MYPN: variants seen among roughly 807,000 people sequenced by gnomAD.
The protein encoded by MYPN is myopalladin, also known as sarcomeric protein myopalladin, 145 kDa (MYOP).
MYPN carries 63 observed loss-of-function variants against 129.4 expected under a neutral mutation model. That is an observed-to-expected ratio of 0.49 (90% CI 0.40 to 0.60). MYPN has a LOEUF of 0.60. Ranked by LOEUF, MYPN falls within the 20% of genes least tolerant of loss-of-function variation. MYPN has a pLI of 0.00. For synonymous variants in MYPN, 629 were observed against 600.9 expected (o/e 1.05, Z -0.68); for missense variants, 1,596 against 1,635.4 (o/e 0.98, Z 0.42).
intron 8 of MYPN, among the ~76,000 whole-genome samples, chr10:68,163,588 C>A (rs7922909): frequency 0.4 from 61,369 of 152,012 alleles, 14,228 homozygotes; most frequent in Non-Finnish European, 0.52. Flanking sequence ...AAGATCACGC[C>A]ACTGCACTCC....
intron 2 of MYPN, 61 bp from the exon 3 acceptor site, chr10:68,142,879 C>T (rs1234092071): frequency 1.4e-6 from 2 of 1,440,556 alleles, no homozygotes; most frequent in Non-Finnish European, 1.9e-6. Flanking sequence ...ATATCTGGAG[C>T]TGTCTATGTT....
chr10:68,124,342 T>C (rs1220117071), intron 2 of MYPN, among the ~76,000 whole-genome samples: 1 of 152,230 alleles, frequency 6.6e-6, no homozygotes, highest in African/African-American at 2.4e-5. Flanking sequence ...TGTTTGTAAC[T>C]ACCTGATTAT....
At chr10:68,121,091 C>A (rs537755024) in intron 1 of MYPN, among the ~76,000 whole-genome samples, 1 of 152,230 alleles carries the variant, frequency 6.6e-6, no homozygotes, top group South Asian at 2.1e-4. Context: ...CCAGCCTGGG[C>A]AACAGGCAAA....
Position 68,148,132 on chromosome 10 carries a change from C to T in MYPN, c.1131-221C>T, listed in dbSNP as rs2635992. Among the ~76,000 whole-genome samples, 665 of 152,280 alleles carry T rather than the reference C, an allele frequency of 4.4e-3. 4 individuals carry two copies. The highest frequency in any genetic ancestry group is 0.015 in the African/African-American group (633 of 41,562). On this transcript the variant is annotated intron_variant, in intron 4 of 19. Coordinates refer to ENST00000358913, the MANE Select transcript of MYPN (RefSeq NM_032578.4). Reference sequence around the variant, plus strand: ...GACTCCCTGGCTACACTGAGAACAACGGCCCAAGGACAGGAATGGTGTCTT... The same window carrying T: ...GACTCCCTGGCTACACTGAGAACAATGGCCCAAGGACAGGAATGGTGTCTT...
At chr10:68,092,999 C>G (rs1289135629) in intron 1 of MYPN, among the ~76,000 whole-genome samples, 2 of 152,106 alleles carry the variant, frequency 1.3e-5, no homozygotes, top group African/African-American at 4.8e-5. Flanking sequence ...AATGGGCCCA[C>G]AAATCCATGT....
rs576933451 is a variant in MYPN, at chr10:68,175,729, C to T, written c.2703+268C>T. Among the ~76,000 whole-genome samples the T allele has an allele frequency of 1.4e-4, 21 of 152,164 alleles. No homozygotes were observed. In the South Asian group the frequency reaches 3.3e-3, roughly 24 times the overall value. Reference sequence around the variant, plus strand: ...AAAGAAGAGAGTAGACAATCTATTGCGCATCCCAGCAATCCTCACCTCAGT... The same window carrying T: ...AAAGAAGAGAGTAGACAATCTATTGTGCATCCCAGCAATCCTCACCTCAGT... On this transcript the variant is annotated intron_variant, in intron 12 of 19. Coordinates refer to ENST00000358913, the MANE Select transcript of MYPN (RefSeq NM_032578.4).
In MYPN at chr10:68,210,975, G is replaced by A. The variant is rs562188194; in HGVS notation, c.*520G>A. The A allele has an allele frequency of 2.2e-5, 10 of 454,256 alleles. No homozygotes were observed. Among genetic ancestry groups the A allele is most frequent in the Middle Eastern group, 1.4e-3 (2 of 1,444 alleles). The allele number at this position is 454,256 out of a possible 1,614,324, so 28.1% of individuals were successfully genotyped here. A position where few individuals can be genotyped will look rare whatever the true frequency, so the allele number is the denominator to read the frequency against. On this transcript the variant is annotated 3_prime_UTR_variant, in exon 20 of 20. Coordinates refer to ENST00000358913, the MANE Select transcript of MYPN (RefSeq NM_032578.4). ...CTTCCACTTAGCATTAGGAGGTCAT[G>A]CCATACAACTCACGTATGCGGGCAA...
intron 8 of MYPN, among the ~76,000 whole-genome samples, chr10:68,164,312 C>T (rs1294725518): frequency 6.6e-6 from 1 of 152,156 alleles, no homozygotes; most frequent in Admixed American, 6.5e-5. Flanking sequence ...GAGAGGGGGC[C>T]ACTCTTACTT....
chr10:68,121,492 G>A lies in MYPN; in HGVS notation c.54G>A (p.Glu18=). 1 of 1,614,130 alleles carries A rather than the reference G, an allele frequency of 6.2e-7. No homozygotes were observed. The highest frequency in any genetic ancestry group is 1.1e-5 in the South Asian group (1 of 91,078). ...CTTCCATATCTCAGCTTCTAAGAGA[G>A]AGCTATTTAGCTGAAACCAGACATC... The part of the protein sequence containing the change: ...ASTSISQLLR[E]SYLAETRHRG... The change falls in exon 2 of 20, where the codon GAG becomes GAA. Residue 18 remains glutamate (E), a synonymous_variant. Transcript: ENST00000358913.
In MYPN at chr10:68,197,337, T is replaced by C; in HGVS notation, c.3159-15T>C. ...TATTTCTATGTTTAATATCTGAACATGCTTGTTGTTATAGGGGAAGATCCC... is the reference window on the plus strand; with the variant it reads ...TATTTCTATGTTTAATATCTGAACACGCTTGTTGTTATAGGGGAAGATCCC... On this transcript the variant is annotated splice_polypyrimidine_tract_variant and intron_variant, in intron 15 of 19. Transcript: ENST00000358913. The C allele has an allele frequency of 6.2e-7, 1 of 1,612,132 alleles. No homozygotes were observed. Among genetic ancestry groups the C allele is most frequent in the South Asian group, 1.1e-5 (1 of 91,040 alleles).
At chr10:68,151,795 A>G (rs1347568524) in intron 6 of MYPN, among the ~76,000 whole-genome samples, 1 of 152,176 alleles carries the variant, frequency 6.6e-6, no homozygotes, top group Non-Finnish European at 1.5e-5. Context: ...ATCTCCACTC[A>G]ATTTGAAATC....
At chr10:68,156,058 A>T (rs749976926) in intron 6 of MYPN, among the ~76,000 whole-genome samples, 3 of 152,176 alleles carry the variant, frequency 2.0e-5, no homozygotes, top group Non-Finnish European at 4.4e-5. Flanking sequence ...ATCTCTGCAG[A>T]TTGGGAACTG....
chr10:68,179,655 A>C (rs982707724), intron 12 of MYPN, among the ~76,000 whole-genome samples: 6 of 152,136 alleles, frequency 3.9e-5, no homozygotes, highest in Admixed American at 3.9e-4. Context: ...TGATTTTAAA[A>C]GATGAAAACT....
At chr10:68,107,566 G>A (rs2042028230), upstream of MYPN, among the ~76,000 whole-genome samples, 2 of 151,324 alleles carry the variant, frequency 1.3e-5, no homozygotes, top group African/African-American at 4.9e-5. Context: ...GCCCAGGCTG[G>A]TCTCAAACTC....
intron 11 of MYPN, 75 bp from the exon 12 acceptor site, chr10:68,175,248 C>T (rs984036553): frequency 3.3e-6 from 5 of 1,534,856 alleles, no homozygotes; most frequent in Non-Finnish European, 4.5e-6. Flanking sequence ...GTCATTTCAA[C>T]CACTCTGATT....
intron 1 of MYPN, among the ~76,000 whole-genome samples, chr10:68,117,418 G>A (rs1320279226): frequency 6.6e-6 from 1 of 152,088 alleles, no homozygotes; most frequent in Non-Finnish European, 1.5e-5. Context: ...TGTGTTTGGA[G>A]ACTGTGTCAA....
At chr10:68,209,696 T>G (rs552587472) in intron 19 of MYPN, among the ~76,000 whole-genome samples, 80 of 151,242 alleles carry the variant, frequency 5.3e-4, no homozygotes, top group African/African-American at 1.8e-3. Flanking sequence ...TTTGTTTGTT[T>G]TTTTCTTTTT....
At chr10:68,206,223 CTGG>C (rs756296224) in intron 18 of MYPN, among the ~76,000 whole-genome samples, 1 of 152,150 alleles carries the variant, frequency 6.6e-6, no homozygotes, top group Non-Finnish European at 1.5e-5. Context: ...ATATAATTAC[CTGG>C]GATATGGCCT....
Position 68,210,492 on chromosome 10 carries a change from G to A in MYPN, c.*37G>A, listed in dbSNP as rs945607196. ...TACCTGCTGTGTAAGAGAGCGGACT[G>A]TGGAGGGGGAATGAGAACAAGCCAG... On this transcript the variant is annotated 3_prime_UTR_variant, in exon 20 of 20. Coordinates refer to ENST00000358913, the MANE Select transcript of MYPN (RefSeq NM_032578.4). 6.2e-7 allele frequency: 1 copy of A among 1,611,592 alleles called. No homozygotes were observed. Among genetic ancestry groups the A allele is most frequent in the Non-Finnish European group, 8.5e-7 (1 of 1,179,056 alleles).
Sources: allele counts gnomAD v4.1 joint callset (sites outside exome capture counted in the v4.1 genomes callset), GRCh38; gene constraint gnomAD v4.1.1; transcripts MANE v1.5; gene names NCBI Gene and HGNC (gene_info 2026-07-23, HGNC 2026-07-21).